The following ANXA8 variants were observed in gnomAD, a reference collection of about 807,000 sequenced individuals.
ANXA8 encodes the protein VAC-beta.
In ANXA8, 9 loss-of-function variants were observed where a neutral mutation model predicts 26.8. The ratio of observed to expected loss-of-function variants is 0.34; its 90% CI spans 0.20 to 0.59. The LOEUF (loss-of-function observed/expected upper bound fraction) is 0.59. Among genes scored for constraint, ANXA8 ranks in the 20% least tolerant of loss-of-function variants. The pLI is 0.84. For missense variants in ANXA8, 83 were observed against 238.5 expected, an observed-to-expected ratio of 0.35 and a Z score of 4.29; for synonymous variants, 39 against 94.8, an observed-to-expected ratio of 0.41 and a Z score of 3.42.
the ANXA8 span, among the ~76,000 whole-genome samples, chr10:47,500,765 G>A: frequency 8.4e-6 from 1 of 119,022 alleles, no homozygotes; most frequent in East Asian, 3.2e-4. Flanking sequence ...ACCGAGTCTT[G>A]CTCTGTTGCC....
At chr10:47,733,186 TTTCTTTC>T in the ANXA8 span, among the ~76,000 whole-genome samples, 2 of 113,738 alleles carry the variant, frequency 1.8e-5, no homozygotes, top group Non-Finnish European at 4.1e-5. Context: ...TCTTTCTTTC[TTTCTTTC>T]TTTCTTTCTT....
the ANXA8 span, among the ~76,000 whole-genome samples, chr10:47,940,131 G>A: frequency 2.5e-3 from 384 of 151,106 alleles, 1 homozygote; most frequent in African/African-American, 8.9e-3. Flanking sequence ...CTGCATCCCT[G>A]GATTTTGCAC....
At chr10:47,956,792 G>T in the ANXA8 span, among the ~76,000 whole-genome samples, 115 of 149,890 alleles carry the variant, frequency 7.7e-4, 2 homozygotes, top group Admixed American at 4.1e-3. Flanking sequence ...ACAGCCCAGG[G>T]CCTGACACCA....
In ANXA8 at chr10:47,474,991, T is replaced by C; in HGVS notation, c.506A>G (p.Asp169Gly). 6.5e-7 allele frequency: 1 copy of C among 1,531,070 alleles called. No individual in the cohort carries two copies. The highest frequency in any genetic ancestry group is 8.8e-7 in the Non-Finnish European group (1 of 1,131,666). 94.8% of individuals were successfully genotyped at this position (1,531,070 alleles called of 1,614,324 possible). A position where few individuals can be genotyped will look rare whatever the true frequency, so the allele number is the denominator to read the frequency against. ...TCCTGGGTCCACAAAGCTGCTCACA[T>C]CATCCCTGCTGCCCTAGGAACAGAG... is the stretch of plus-strand genomic sequence containing the variant. ...LVCLLQGSRD[D>G]VSSFVDPGLA... is the part of the protein sequence containing the mutation. Residue 169 changes from aspartate (D) to glycine (G), a missense_variant, in exon 7 of 12, where the codon GAT (aspartate) becomes GGT (glycine). Transcript: ENST00000585281.
At chr10:47,584,095 G>A in the ANXA8 span, among the ~76,000 whole-genome samples, 10 of 147,000 alleles carry the variant, frequency 6.8e-5, no homozygotes, top group Admixed American at 3.3e-4. Flanking sequence ...CACCAGCATC[G>A]CCCAGCCCGG....
the ANXA8 span, among the ~76,000 whole-genome samples, chr10:47,946,966 C>T: frequency 5.2e-4 from 78 of 150,594 alleles, 4 homozygotes; most frequent in East Asian, 0.01. Flanking sequence ...GCTGGGATAA[C>T]GGGCATGAGC....
At chr10:47,702,544 T>A in the ANXA8 span, among the ~76,000 whole-genome samples, 1 of 151,492 alleles carries the variant, frequency 6.6e-6, no homozygotes, top group African/African-American at 2.4e-5. Context: ...TTTCACCATG[T>A]TGGCCAGGCT....
At chr10:47,641,193 C>T in the ANXA8 span, among the ~76,000 whole-genome samples, 11,562 of 149,428 alleles carry the variant, frequency 0.077, 1,174 homozygotes, top group African/African-American at 0.28. Context: ...TAATGAATAG[C>T]GTTTGGCATT....
At chr10:47,513,179 T>C in the ANXA8 span, among the ~76,000 whole-genome samples, 5 of 149,680 alleles carry the variant, frequency 3.3e-5, no homozygotes, top group Admixed American at 2.7e-4. Context: ...GGATAACAGG[T>C]GAGCGCCACC....
the ANXA8 span, among the ~76,000 whole-genome samples, chr10:47,675,999 G>A: frequency 6.6e-6 from 1 of 150,804 alleles, no homozygotes; most frequent in Non-Finnish European, 1.5e-5. Context: ...GGAAAGAAAA[G>A]AAAAGGAAAG....
the ANXA8 span, among the ~76,000 whole-genome samples, chr10:47,695,981 A>G: frequency 6.6e-6 from 1 of 151,794 alleles, no homozygotes; most frequent in Non-Finnish European, 1.5e-5. Flanking sequence ...CCTTATATTC[A>G]GATATATTTA....
At chr10:47,675,442 C>T in the ANXA8 span, among the ~76,000 whole-genome samples, 4 of 151,830 alleles carry the variant, frequency 2.6e-5, no homozygotes, top group Admixed American at 6.6e-5. Flanking sequence ...CTATGAAACA[C>T]AAGCAGGTCT....
the ANXA8 span, among the ~76,000 whole-genome samples, chr10:47,988,944 T>C: frequency 6.6e-6 from 1 of 151,826 alleles, no homozygotes. Flanking sequence ...TATCCCTTGC[T>C]TGTGGAGTCA....
the ANXA8 span, among the ~76,000 whole-genome samples, chr10:47,557,003 CTTT>C: frequency 2.4e-3 from 271 of 113,418 alleles, 4 homozygotes; most frequent in East Asian, 0.056. Context: ...TATTTTCTTT[CTTT>C]TTTTTTTTTT....
chr10:47,968,336 A>G, the ANXA8 span, among the ~76,000 whole-genome samples: 1 of 150,244 alleles, frequency 6.7e-6, no homozygotes, highest in African/African-American at 2.4e-5. Flanking sequence ...CCATTGCCAC[A>G]GGGGCCAGAG....
the ANXA8 span, among the ~76,000 whole-genome samples, chr10:47,607,269 AAG>A: frequency 5.8e-5 from 8 of 138,176 alleles, no homozygotes; most frequent in African/African-American, 2.0e-4. Flanking sequence ...ATAAAAATAA[AAG>A]AAAAAATATA....
chr10:47,484,487 T>C (rs1269390320), upstream of ANXA8: 42 of 1,153,902 alleles, frequency 3.6e-5, no homozygotes, highest in Non-Finnish European at 4.9e-5. Context: ...TCACCACAGA[T>C]GGGAGGCCAG....
At chr10:47,637,443 G>C in the ANXA8 span, among the ~76,000 whole-genome samples, 6 of 149,988 alleles carry the variant, frequency 4.0e-5, no homozygotes, top group Admixed American at 6.6e-5. Context: ...AACATCCTTT[G>C]TATCTCCTTA....
the ANXA8 span, among the ~76,000 whole-genome samples, chr10:47,895,166 G>GA: frequency 6.6e-6 from 1 of 150,908 alleles, no homozygotes; most frequent in Non-Finnish European, 1.5e-5. Context: ...ACCTGCACGT[G>GA]AAATTGGCAT....
Sources: gnomAD v4.1 joint callset for allele counts (sites outside exome capture counted in the v4.1 genomes callset) on GRCh38, gnomAD v4.1.1 for gene constraint, MANE v1.5 for transcripts, NCBI Gene and HGNC (gene_info 2026-07-23, HGNC 2026-07-21) for gene names.